The following ACBD6 variants were observed in gnomAD, a reference collection of about 807,000 sequenced individuals.
ACBD6 encodes acyl-CoA-binding domain-containing protein 6.
A neutral mutation model predicts 37.2 loss-of-function variants in ACBD6; 28 were observed. The observed-to-expected ratio is 0.75, with a 90% CI of 0.56 to 1.03. The LOEUF is 1.03. ACBD6 is among the 50% of genes least tolerant of loss of function. ACBD6 has a pLI of 0.00. For missense variants in ACBD6, 340 were observed against 337.4 expected, an observed-to-expected ratio of 1.01 and a Z score of -0.06; for synonymous variants, 113 against 126.8, an observed-to-expected ratio of 0.89 and a Z score of 0.73.
intron 7 of ACBD6, among the ~76,000 whole-genome samples, chr1:180,296,383 TAAG>T (rs1420481547): frequency 1.8e-4 from 27 of 152,188 alleles, no homozygotes; most frequent in African/African-American, 6.5e-4. Context: ...AAGATCTAAC[TAAG>T]ATAAAGATAA....
chr1:180,304,058 G>A (rs1159485414), intron 7 of ACBD6, among the ~76,000 whole-genome samples: 1 of 150,436 alleles, frequency 6.6e-6, no homozygotes, highest in Non-Finnish European at 1.5e-5. Flanking sequence ...ATTCAACAAC[G>A]CTTCATGCTA....
chr1:180,359,638 T>C (rs1027149039), intron 6 of ACBD6, among the ~76,000 whole-genome samples: 5 of 152,216 alleles, frequency 3.3e-5, no homozygotes, highest in Admixed American at 6.5e-5. Flanking sequence ...CATCATCATA[T>C]GTATTTTTCC....
chr1:180,299,388 T>C (rs975588799), intron 7 of ACBD6, among the ~76,000 whole-genome samples: 10 of 152,112 alleles, frequency 6.6e-5, no homozygotes, highest in Non-Finnish European at 1.5e-5. Flanking sequence ...TCAGAAAAGC[T>C]TGAGCAAGTC....
chr1:180,492,986 C>T (rs1377115963), intron 2 of ACBD6, among the ~76,000 whole-genome samples: 7 of 151,978 alleles, frequency 4.6e-5, no homozygotes, highest in African/African-American at 1.2e-4. Context: ...TGGTGGCTCA[C>T]GCCTGTAATC....
rs370168835 is a variant in ACBD6, at chr1:180,431,314, A to G, written c.385-1052T>C. Reference sequence around the variant, plus strand: ...AATTTTTGAGGAGATGAATCAAGTCAGTTATCAACTTGTAATAGAAACAAA... The same window carrying G: ...AATTTTTGAGGAGATGAATCAAGTCGGTTATCAACTTGTAATAGAAACAAA... On this transcript the variant is annotated intron_variant, in intron 3 of 7. Transcript: ENST00000367595. Among the ~76,000 whole-genome samples the G allele has an allele frequency of 2.6e-5, 4 of 152,190 alleles. No individual in the cohort carries two copies. In the East Asian group the frequency reaches 5.8e-4, roughly 22 times the overall value.
At chr1:180,382,724 T>C (rs2101929821) in intron 6 of ACBD6, among the ~76,000 whole-genome samples, 1 of 152,236 alleles carries the variant, frequency 6.6e-6, no homozygotes, top group South Asian at 2.1e-4. Flanking sequence ...GCATTACCTG[T>C]TATCAAAATC....
chr1:180,388,148 C>T (rs1378018016), intron 6 of ACBD6, among the ~76,000 whole-genome samples: 2 of 149,856 alleles, frequency 1.3e-5, no homozygotes, highest in East Asian at 2.0e-4. Context: ...GGCACTCCAG[C>T]CTGGGTGACA....
chr1:180,487,896 T>A (rs1336822113), intron 3 of ACBD6, among the ~76,000 whole-genome samples: 1 of 152,202 alleles, frequency 6.6e-6, no homozygotes, highest in Non-Finnish European at 1.5e-5. Flanking sequence ...TGCACAGAAA[T>A]GTTTTCCAAC....
chr1:180,322,277 G>A (rs1444953466), intron 6 of ACBD6, among the ~76,000 whole-genome samples: 3 of 151,878 alleles, frequency 2.0e-5, no homozygotes, highest in South Asian at 2.1e-4. Context: ...ATTTTGTTGA[G>A]GATTTCTGAA....
chr1:180,363,970 T>C (rs534686406), intron 6 of ACBD6, among the ~76,000 whole-genome samples: 132 of 152,260 alleles, frequency 8.7e-4, no homozygotes, highest in African/African-American at 3.1e-3. Flanking sequence ...AATTAAAAAG[T>C]ATGAACACAC....
At chr1:180,414,619 C>T (rs940429504) in intron 4 of ACBD6, among the ~76,000 whole-genome samples, 1 of 152,114 alleles carries the variant, frequency 6.6e-6, no homozygotes, top group African/African-American at 2.4e-5. Context: ...GAAAGTTTGC[C>T]TTTAAGACCC....
chr1:180,274,077 G>A, exon 11 of ACBD6: 2 of 1,405,586 alleles, frequency 1.4e-6, no homozygotes, highest in Non-Finnish European at 2.0e-6. Context: ...CAAGGCAGCT[G>A]CCATCCTTGG....
chr1:180,448,610 T>A (rs1422791399), intron 3 of ACBD6, among the ~76,000 whole-genome samples: 2 of 152,204 alleles, frequency 1.3e-5, no homozygotes, highest in African/African-American at 4.8e-5. Context: ...GGCTAGTTAA[T>A]TTTAGAAGCT....
At chr1:180,455,568 C>T (rs1347850671) in intron 3 of ACBD6, among the ~76,000 whole-genome samples, 1 of 151,420 alleles carries the variant, frequency 6.6e-6, no homozygotes, top group African/African-American at 2.4e-5. Flanking sequence ...ACAAAGACTA[C>T]CTAAAAGTGA....
rs192580685 is a variant in ACBD6, at chr1:180,303,483, C to G, written c.694+11209G>C. ...TCAGAGAATATTATAAACACCTCTA[C>G]GCAAATAAACTAGAAAATCTAGAAG... On this transcript the variant is annotated intron_variant, in intron 7 of 7. Transcript: ENST00000367595. Among the ~76,000 whole-genome samples the G allele has an allele frequency of 5.5e-4, 83 of 150,874 alleles. 5 individuals are homozygous for G. Among genetic ancestry groups the G allele is most frequent in the Non-Finnish European group, 1.0e-3 (70 of 67,460 alleles).
intron 6 of ACBD6, among the ~76,000 whole-genome samples, chr1:180,371,988 G>A (rs945067039): frequency 3.3e-5 from 5 of 152,142 alleles, no homozygotes; most frequent in African/African-American, 9.7e-5. Flanking sequence ...CCACAGTCAC[G>A]TGGTAGTTGA....
intron 6 of ACBD6, among the ~76,000 whole-genome samples, chr1:180,362,279 A>G (rs1167502299): frequency 6.6e-6 from 1 of 152,210 alleles, no homozygotes; most frequent in African/African-American, 2.4e-5. Context: ...TTAGCTCACA[A>G]CAGGGCCAGA....
At chr1:180,349,342 GC>G (rs1652316390) in intron 6 of ACBD6, among the ~76,000 whole-genome samples, 1 of 150,238 alleles carries the variant, frequency 6.7e-6, no homozygotes, top group Non-Finnish European at 1.5e-5. Flanking sequence ...TGCAAGCTCC[GC>G]CTCCCAGGTT....
chr1:180,411,164 T>C (rs1454997559), intron 5 of ACBD6, among the ~76,000 whole-genome samples: 2 of 152,132 alleles, frequency 1.3e-5, no homozygotes, highest in Non-Finnish European at 2.9e-5. Flanking sequence ...AGATGAGGAG[T>C]AGCTTCTTAT....
Sources: gnomAD v4.1 joint callset for allele counts (sites outside exome capture counted in the v4.1 genomes callset) on GRCh38, gnomAD v4.1.1 for gene constraint, MANE v1.5 for transcripts, NCBI Gene and HGNC (gene_info 2026-07-23, HGNC 2026-07-21) for gene names.